Variants in TMOD4 observed in about 807,000 individuals in gnomAD.
TMOD4 encodes tropomodulin-4.
A neutral mutation model predicts 45.4 loss-of-function variants in TMOD4; 34 were observed. The observed-to-expected ratio is 0.75, with a 90% CI of 0.57 to 1.00. The LOEUF is 1.00. Among genes scored for constraint, TMOD4 ranks in the 50% least tolerant of loss-of-function variants. TMOD4 has a pLI of 0.00. For synonymous variants in TMOD4, 131 were observed against 153.9 expected (o/e 0.85, Z 1.10); for missense variants, 399 against 437.5 (o/e 0.91, Z 0.78).
Position 151,171,488 on chromosome 1 carries a change from G to T in TMOD4, c.671C>A (p.Thr224Asn), listed in dbSNP as rs1683953817. ...TACCAGACTGAAGCTCCGCACATAG[G>T]TATTTGCCTTCATTGCCTCACACAG... The part of the protein sequence containing the change: ...SELCEAMKAN[T>N]YVRSFSLVAT... Residue 224 changes from threonine to asparagine, a missense_variant, in exon 7 of 10, where the codon ACC becomes AAC. Transcript: ENST00000295314. 1.2e-6 allele frequency: 2 copies of T among 1,614,038 alleles called. No homozygotes were observed. Among genetic ancestry groups the T allele is most frequent in the Admixed American group, 3.3e-5 (2 of 59,992 alleles).
rs1683951312 is a variant in TMOD4 at position 151,171,414 on chromosome 1, G to A, written c.726+19C>T. The A allele has an allele frequency of 6.2e-7, 1 of 1,601,316 alleles. No homozygotes were observed. Among genetic ancestry groups the A allele is most frequent in the African/African-American group, 1.3e-5 (1 of 74,734 alleles). The stretch of plus-strand genomic sequence containing the variant: ...ATGTAAGATGTGGGGAGAGGGCTGG[G>A]GATGTCAACTAGCCTTACATTGGCA... On this transcript the variant is annotated intron_variant, in intron 7 of 9. Coordinates refer to ENST00000295314, the MANE Select transcript of TMOD4 (RefSeq NM_013353.3).
intron 4 of TMOD4, 65 bp downstream of exon 4, chr1:151,173,434 C>CCA (rs1312157996): frequency 8.0e-7 from 1 of 1,245,362 alleles, no homozygotes; most frequent in Non-Finnish European, 1.2e-6. Context: ...CTCACTAGTC[C>CCA]CATGTCATGG....
intron 8 of TMOD4, 118 bp downstream of exon 8, chr1:151,170,802 C>T (rs760977428): frequency 6.1e-5 from 92 of 1,516,880 alleles, no homozygotes; most frequent in Non-Finnish European, 8.2e-5. Context: ...GCTTCCCTCA[C>T]AGAGACAATG....
chr1:151,173,496 C>T lies in TMOD4; in HGVS notation c.397+3G>A, dbSNP rs920572783. The stretch of plus-strand genomic sequence containing the variant: ...TCACCCTCAACTTCCCACAGCTACC[C>T]ACCTGCAATGTCACACATTTCAGCA... On this transcript the variant is annotated splice_donor_region_variant and intron_variant, in intron 4 of 9. Coordinates refer to ENST00000295314, the MANE Select transcript of TMOD4 (RefSeq NM_013353.3). The T allele has an allele frequency of 8.1e-6, 13 of 1,612,674 alleles. No individual in the cohort carries two copies. Among genetic ancestry groups the T allele is most frequent in the Non-Finnish European group, 1.1e-5 (13 of 1,178,698 alleles).
chr1:151,174,980 A>G, intron 1 of TMOD4, 63 bp from the exon 2 acceptor site: 2 of 1,388,276 alleles, frequency 1.4e-6, no homozygotes, highest in Non-Finnish European at 2.0e-6. Flanking sequence ...GCAGGGACAC[A>G]AAGAGACCAG....
chr1:151,171,028 G>C lies in TMOD4; in HGVS notation c.762C>G (p.Leu254=). Residue 254 remains leucine (L), a synonymous_variant, in exon 8 of 10, where the codon CTC becomes CTG. Coordinates refer to ENST00000295314, the MANE Select transcript of TMOD4 (RefSeq NM_013353.3). ...AGTTGGATTCGATGTTTAGGCTCTG[G>C]AGGCTACGATTCTCACGCAACATGT... ...VADMLRENRS[L]QSLNIESNFI... is the part of the protein sequence containing the mutation. 1 of 1,614,174 alleles carries C rather than the reference G, an allele frequency of 6.2e-7. No homozygotes were observed. The highest frequency in any genetic ancestry group is 8.5e-7 in the Non-Finnish European group (1 of 1,180,038).
In TMOD4 at chr1:151,173,577, C is replaced by T; in HGVS notation, c.319G>A (p.Glu107Lys). The change falls in exon 4 of 10, where the codon GAG (glutamate) becomes AAG (lysine). Residue 107 changes from glutamate (E) to lysine (K), a missense_variant. Glu to Lys is a moderately conservative substitution (Grantham distance 56, BLOSUM62 1). Transcript: ENST00000295314. ...TCAGGCTCCAGGGTGATCTGCTCCT[C>T]TGCTGGGATTTCCCTCTTGGGCTGA... ...YIQPKREIPA[E>K]EQITLEPELE... is the part of the protein sequence containing the mutation. The T allele has an allele frequency of 1.2e-6, 2 of 1,614,222 alleles. No individual in the cohort carries two copies. Among genetic ancestry groups the T allele is most frequent in the Non-Finnish European group, 1.7e-6 (2 of 1,180,038 alleles).
intron 4 of TMOD4, 123 bp downstream of exon 4, chr1:151,173,375 CT>C: frequency 2.8e-6 from 2 of 706,218 alleles, no homozygotes; most frequent in East Asian, 5.0e-5. Context: ...AAGCTTGAAA[CT>C]ACTGCTTGAC....
intron 1 of TMOD4, 25 bp from the exon 2 acceptor site, chr1:151,174,942 G>A: frequency 1.3e-6 from 2 of 1,599,104 alleles, no homozygotes; most frequent in Non-Finnish European, 1.7e-6. Context: ...ACAAAAGGAT[G>A]GACAATGGTA....
chr1:151,171,130 A>G, intron 7 of TMOD4, 67 bp from the exon 8 acceptor site: 2 of 1,535,188 alleles, frequency 1.3e-6, no homozygotes, highest in Non-Finnish European at 1.8e-6. Flanking sequence ...AAGAAAGAAC[A>G]GGAGCAAGAG....
chr1:151,171,765 T>C lies in TMOD4; in HGVS notation c.488-2A>G. On this transcript the variant is annotated splice_acceptor_variant, in intron 5 of 9. Coordinates refer to ENST00000295314, the MANE Select transcript of TMOD4 (RefSeq NM_013353.3). LOFTEE classifies it high-confidence loss of function. Reference sequence around the variant, plus strand: ...TATACTTGTCAGGCTGTACCACACCTGGTGAATGAGGGCAGGAAGGGAACC... The same window carrying C: ...TATACTTGTCAGGCTGTACCACACCCGGTGAATGAGGGCAGGAAGGGAACC... 1 of 1,613,588 alleles carries C rather than the reference T, an allele frequency of 6.2e-7. No individual in the cohort carries two copies. Among genetic ancestry groups the C allele is most frequent in the South Asian group, 1.1e-5 (1 of 91,016 alleles).
chr1:151,175,165 C>T (rs1025806502), intron 1 of TMOD4: 10 of 370,512 alleles, frequency 2.7e-5, no homozygotes, highest in East Asian at 1.3e-4. Context: ...TGTCTTCCCA[C>T]GGTATGACAG....
intron 5 of TMOD4, 140 bp downstream of exon 5, chr1:151,172,128 C>T: frequency 1.4e-6 from 1 of 726,804 alleles, no homozygotes; most frequent in Non-Finnish European, 2.3e-6. Context: ...GCCACCTCAC[C>T]TGGCACTCCA....
At chr1:151,170,124 A>T in intron 9 of TMOD4, 21 bp from the exon 10 acceptor site, 1 of 1,614,124 alleles carries the variant, frequency 6.2e-7, no homozygotes, top group Non-Finnish European at 8.5e-7. Flanking sequence ...GCAATATTAA[A>T]CATAAGTGTT....
At chr1:151,170,724 T>C in intron 8 of TMOD4, 61 bp from the exon 9 acceptor site, 5 of 1,599,710 alleles carry the variant, frequency 3.1e-6, no homozygotes, top group Non-Finnish European at 4.3e-6. Context: ...CCATCCCACA[T>C]CACAGACCCC....
intron 4 of TMOD4, among the ~76,000 whole-genome samples, chr1:151,172,811 G>A (rs1055306320): frequency 2.0e-5 from 3 of 151,780 alleles, no homozygotes; most frequent in Non-Finnish European, 4.4e-5. Context: ...TTTTTTTGTT[G>A]TTGTTTTTGT....
At chr1:151,175,081 G>C in intron 1 of TMOD4, 164 bp from the exon 2 acceptor site, 1 of 575,996 alleles carries the variant, frequency 1.7e-6, no homozygotes, top group Non-Finnish European at 3.0e-6. Flanking sequence ...TTTAGAGTTA[G>C]AACTAGAGTC....
chr1:151,171,701 C>T lies in TMOD4; in HGVS notation c.550G>A (p.Glu184Lys). 3.7e-6 allele frequency: 6 copies of T among 1,614,090 alleles called. No individual in the cohort carries two copies. The highest frequency in any genetic ancestry group is 2.5e-6 in the Non-Finnish European group (3 of 1,180,020). ...CTTCGGACCCTCTTTAGTATCTCCT[C>T]AATGTTTGTGGGATTTGGGGGTTCA... ...PDEPPNPTNIEEILKRVRSND... is the reference protein window; with the variant it reads ...PDEPPNPTNIKEILKRVRSND... Residue 184 changes from glutamate to lysine, a missense_variant, in exon 6 of 10, where the codon GAG becomes AAG. By Grantham distance (56) the Glu-to-Lys change is moderately conservative (BLOSUM62 1). Coordinates refer to ENST00000295314, the MANE Select transcript of TMOD4 (RefSeq NM_013353.3).
At position 151,170,531 on chromosome 1, in the gene TMOD4, T is replaced by G; in HGVS notation, c.1003A>C (p.Asn335His). 1 of 1,614,204 alleles carries G rather than the reference T, an allele frequency of 6.2e-7. No individual in the cohort carries two copies. Among genetic ancestry groups the G allele is most frequent in the Non-Finnish European group, 8.5e-7 (1 of 1,180,030 alleles). Reference sequence around the variant, plus strand: ...TGCAGTTACTCACGTAGTTCATTGTTTCGGGTCATGGCCTGGGCTGCCCGA... The same window carrying G: ...TGCAGTTACTCACGTAGTTCATTGTGTCGGGTCATGGCCTGGGCTGCCCGA... The part of the protein sequence containing the change: ...RARAAQAMTR[N>H]NELRRQQKKR Residue 335 changes from asparagine (N) to histidine (H), a missense_variant, in exon 9 of 10, where the codon AAC (asparagine) becomes CAC (histidine). Coordinates refer to ENST00000295314, the MANE Select transcript of TMOD4 (RefSeq NM_013353.3).
Sources: allele counts gnomAD v4.1 joint callset (sites outside exome capture counted in the v4.1 genomes callset), GRCh38; gene constraint gnomAD v4.1.1; transcripts MANE v1.5; gene names NCBI Gene and HGNC (gene_info 2026-07-23, HGNC 2026-07-21).